Variants in NHSL1 observed in about 807,000 individuals in gnomAD.
NHSL1 encodes the protein NHS like 1, also known as NHS-like protein 1.
Under a neutral mutation model 95.0 loss-of-function variants are expected in NHSL1, and 48 were observed. The ratio of observed to expected loss-of-function variants is 0.51; its 90% confidence interval spans 0.40 to 0.64. NHSL1 has a LOEUF of 0.64. NHSL1 is among the 30% of genes least tolerant of loss of function. The probability of loss-of-function intolerance (pLI) is 0.00; values close to 1 mark genes in which losing one functional copy is unlikely to be tolerated. For synonymous variants in NHSL1, 783 were observed against 833.9 expected, an observed-to-expected ratio of 0.94 and a Z score of 1.05; for missense variants, 1,971 against 2,077.7, an observed-to-expected ratio of 0.95 and a Z score of 1.00.
At chr6:138,584,512 T>C (rs1784104985) in intron 1 of NHSL1, among the ~76,000 whole-genome samples, 2 of 152,212 alleles carry the variant, frequency 1.3e-5, no homozygotes, top group South Asian at 2.1e-4. Flanking sequence ...TCCAATTTCA[T>C]AATGACTACT....
intron 1 of NHSL1, among the ~76,000 whole-genome samples, chr6:138,683,373 G>A (rs574390050): frequency 5.3e-5 from 8 of 152,330 alleles, no homozygotes; most frequent in African/African-American, 1.9e-4. Context: ...TGGCGATACA[G>A]GGACACAGAC....
intron 1 of NHSL1, among the ~76,000 whole-genome samples, chr6:138,509,940 T>TAA (rs1450751437): frequency 6.6e-6 from 1 of 152,112 alleles, no homozygotes; most frequent in African/African-American, 2.4e-5. Context: ...AACCAAAAGG[T>TAA]AAAGCCTTAC....
intron 1 of NHSL1, chr6:138,545,620 C>T: frequency 7.8e-7 from 1 of 1,289,306 alleles, no homozygotes; most frequent in Non-Finnish European, 1.0e-6. Flanking sequence ...GAAGTCCCCT[C>T]ACCTTTCAGA....
intron 1 of NHSL1, among the ~76,000 whole-genome samples, chr6:138,594,653 T>C (rs950435529): frequency 8.6e-5 from 13 of 151,286 alleles, no homozygotes; most frequent in African/African-American, 2.9e-4. Context: ...TTCTGCTTCC[T>C]AGGAAGAGCT....
chr6:138,498,168 C>T (rs1780468483), intron 1 of NHSL1, among the ~76,000 whole-genome samples: 1 of 152,164 alleles, frequency 6.6e-6, no homozygotes, highest in Non-Finnish European at 1.5e-5. Context: ...GTGTTTTGTG[C>T]TGATGTCCAT....
At chr6:138,519,873 T>A (rs1397647593) in intron 1 of NHSL1, among the ~76,000 whole-genome samples, 4 of 152,186 alleles carry the variant, frequency 2.6e-5, no homozygotes, top group Admixed American at 1.3e-4. Flanking sequence ...AAAATACATA[T>A]TTGAGAGCCA....
At chr6:138,559,215 G>C (rs1197532106) in intron 1 of NHSL1, among the ~76,000 whole-genome samples, 1 of 152,234 alleles carries the variant, frequency 6.6e-6, no homozygotes, top group African/African-American at 2.4e-5. Context: ...ACAGTAGGCT[G>C]GTAAATAAAG....
At chr6:138,502,583 G>C (rs1780745437), upstream of NHSL1, among the ~76,000 whole-genome samples, 1 of 152,128 alleles carries the variant, frequency 6.6e-6, no homozygotes, top group African/African-American at 2.4e-5. Context: ...AAAGTGTTTG[G>C]ATTACAAGCA....
In NHSL1 at chr6:138,443,345, A is replaced by G. The variant is rs74753007; in HGVS notation, c.533-1231T>C. Among the ~76,000 whole-genome samples, 570 of 152,344 alleles carry G rather than the reference A, an allele frequency of 3.7e-3. 1 individual carries two copies. Among genetic ancestry groups the G allele is most frequent in the African/African-American group, 0.013 (534 of 41,588 alleles). ...CCTTGTCGCTAATGGAGAAAAACAG[A>G]AATGACTGAGAGAAGACCCTTGAAT... is the stretch of plus-strand genomic sequence containing the variant. On this transcript the variant is annotated intron_variant, in intron 4 of 7. Coordinates refer to ENST00000343505, the MANE Select transcript of NHSL1 (RefSeq NM_001144060.2).
intron 1 of NHSL1, among the ~76,000 whole-genome samples, chr6:138,535,828 T>C (rs1782318053): frequency 6.6e-6 from 1 of 152,168 alleles, no homozygotes; most frequent in African/African-American, 2.4e-5. Context: ...ACTCATGACA[T>C]TGACTAGGAA....
intron 5 of NHSL1, among the ~76,000 whole-genome samples, chr6:138,440,798 T>C (rs1776478997): frequency 6.6e-6 from 1 of 152,258 alleles, no homozygotes; most frequent in Non-Finnish European, 1.5e-5. Flanking sequence ...ATCACAGATA[T>C]ATCACTATTG....
chr6:138,632,914 G>T (rs1244885187), intron 1 of NHSL1, among the ~76,000 whole-genome samples: 2 of 152,108 alleles, frequency 1.3e-5, no homozygotes, highest in Non-Finnish European at 2.9e-5. Flanking sequence ...TGACCTTTCA[G>T]ACAGAAAATT....
intron 3 of NHSL1, among the ~76,000 whole-genome samples, chr6:138,449,797 T>C (rs960731026): frequency 1.3e-5 from 2 of 151,888 alleles, no homozygotes; most frequent in African/African-American, 4.8e-5. Context: ...CTAACAATAA[T>C]AAAGGCATGT....
At chr6:138,610,371 C>T (rs982958392) in intron 1 of NHSL1, among the ~76,000 whole-genome samples, 10 of 151,780 alleles carry the variant, frequency 6.6e-5, no homozygotes, top group African/African-American at 2.4e-4. Flanking sequence ...TGGGGAACAT[C>T]ACACACCGGG....
upstream of NHSL1, among the ~76,000 whole-genome samples, chr6:138,576,045 G>A (rs951307356): frequency 2.6e-5 from 4 of 152,022 alleles, no homozygotes; most frequent in African/African-American, 2.4e-5. Context: ...AGGCCAGAGC[G>A]CAGTGGCGCG....
At chr6:138,467,930 TAG>T (rs57766182) in intron 3 of NHSL1, among the ~76,000 whole-genome samples, 2,576 of 152,320 alleles carry the variant, frequency 0.017, 79 homozygotes, top group African/African-American at 0.059. Context: ...TTCTTTTTTG[TAG>T]AGATGGGTTC....
chr6:138,441,591 A>G (rs1379179310), intron 5 of NHSL1, among the ~76,000 whole-genome samples: 1 of 152,248 alleles, frequency 6.6e-6, no homozygotes, highest in Non-Finnish European at 1.5e-5. Flanking sequence ...AGTTATAGTG[A>G]AAGTCCATAT....
chr6:138,496,122 C>T (rs1452311636), intron 2 of NHSL1, 97 bp downstream of exon 2: 1 of 1,270,096 alleles, frequency 7.9e-7, no homozygotes, highest in Admixed American at 2.2e-5. Flanking sequence ...ACTATACATT[C>T]AATAAAAGTA....
At chr6:138,543,101 T>C (rs532525829) in intron 1 of NHSL1, among the ~76,000 whole-genome samples, 10 of 152,188 alleles carry the variant, frequency 6.6e-5, no homozygotes, top group Admixed American at 1.3e-4. Flanking sequence ...ATGGTACACA[T>C]GGTAGTTTGC....
Sources: gnomAD v4.1 joint callset for allele counts (sites outside exome capture counted in the v4.1 genomes callset) on GRCh38, gnomAD v4.1.1 for gene constraint, MANE v1.5 for transcripts, NCBI Gene and HGNC (gene_info 2026-07-23, HGNC 2026-07-21) for gene names.